Variants in TCP11 observed in about 807,000 individuals in gnomAD.
TCP11 encodes T-complex protein 11 homolog.
Under a neutral mutation model 45.0 loss-of-function variants are expected in TCP11, and 34 were observed. That is an observed-to-expected ratio of 0.76 (90% confidence interval 0.57 to 1.01). TCP11 has a LOEUF of 1.01. TCP11 is among the 50% of genes least tolerant of loss of function. The probability of loss-of-function intolerance (pLI) is 0.00; values close to 1 mark genes in which losing one functional copy is unlikely to be tolerated. For synonymous variants in TCP11, 227 were observed against 227.0 expected (o/e 1.00, Z 0.00); for missense variants, 523 against 598.1 (o/e 0.87, Z 1.31).
At position 35,118,290 on chromosome 6, in the gene TCP11, T is replaced by A; in HGVS notation, c.1491A>T (p.Glu497Asp). Residue 497 changes from glutamate to aspartate, a missense_variant, in exon 10 of 10, where the codon GAA (glutamate) becomes GAT (aspartate). Coordinates refer to ENST00000311875, the MANE Select transcript of TCP11 (RefSeq NM_001370687.1). ...KTLISPAQAL[E>D]TKVESV ...GCTATCAAACAGACTCCACTTTTGT[T>A]TCCAGTGCCTGGGCTGGGGAAATGA... 1 of 1,614,156 alleles carries A rather than the reference T, an allele frequency of 6.2e-7. No individual in the cohort carries two copies. The highest frequency in any genetic ancestry group is 8.5e-7 in the Non-Finnish European group (1 of 1,180,018).
chr6:35,133,421 G>A (rs13205738), intron 3 of TCP11, among the ~76,000 whole-genome samples: 16,567 of 151,932 alleles, frequency 0.11, 1,208 homozygotes, highest in Middle Eastern at 0.17. Context: ...GACCTCAAGC[G>A]ATCCTCCCAC....
At chr6:35,125,406 A>G (rs946427557) in intron 4 of TCP11, among the ~76,000 whole-genome samples, 3 of 152,170 alleles carry the variant, frequency 2.0e-5, no homozygotes, top group Non-Finnish European at 4.4e-5. Context: ...ATAGCCAACA[A>G]ACACACGAAC....
chr6:35,120,616 G>A lies in TCP11; in HGVS notation c.746C>T (p.Thr249Ile), dbSNP rs1217396081. Reference protein sequence around the residue: ...SLLNHTTKWLTQAAGDLTMSP... With the variant: ...SLLNHTTKWLIQAAGDLTMSP... ...CATGGTGAGGTCTCCTGCTGCTTGG[G>A]TCAGCCATTTGGTGGTGTGATTAAG... Residue 249 changes from threonine (T) to isoleucine (I), a missense_variant, in exon 7 of 10, where the codon ACC becomes ATC. Coordinates refer to ENST00000311875, the MANE Select transcript of TCP11 (RefSeq NM_001370687.1). The surrounding 1 kb of genome is among the most constrained non-coding windows in gnomAD (Gnocchi z 4.9). The A allele has an allele frequency of 1.9e-6, 3 of 1,613,780 alleles. No homozygotes were observed. The Admixed American group carries it at 5.0e-5, about 27-fold the overall frequency.
At position 35,120,151 on chromosome 6, in the gene TCP11, C is replaced by A; in HGVS notation, c.1115+8G>T. On this transcript the variant is annotated splice_region_variant and intron_variant, in intron 8 of 9. Transcript: ENST00000311875. This position sits in a 1 kb window ranked among gnomAD's most constrained non-coding sequence, Gnocchi z 4.9. ...CCTTCTACTCTAAAAAGTAACTATG[C>A]AGCTCACCTGGAGTGAAAGTCTTCC... 3.1e-6 allele frequency: 5 copies of A among 1,612,628 alleles called. No homozygotes were observed. Among genetic ancestry groups the A allele is most frequent in the Non-Finnish European group, 4.2e-6 (5 of 1,179,232 alleles).
chr6:35,129,879 A>G (rs1036993032), intron 3 of TCP11, among the ~76,000 whole-genome samples: 5 of 152,206 alleles, frequency 3.3e-5, no homozygotes, highest in Admixed American at 1.3e-4. Flanking sequence ...CGCGCAAGCA[A>G]ATCTCTTGCC....
At chr6:35,134,127 C>T (rs933327300) in intron 3 of TCP11, among the ~76,000 whole-genome samples, 1 of 152,088 alleles carries the variant, frequency 6.6e-6, no homozygotes, top group African/African-American at 2.4e-5. Context: ...AAGATAACCC[C>T]AAAGATCTCT....
intron 3 of TCP11, among the ~76,000 whole-genome samples, chr6:35,134,243 G>A (rs1038428537): frequency 1.1e-4 from 17 of 148,768 alleles, no homozygotes; most frequent in Admixed American, 2.7e-4. Context: ...GCATAGTATC[G>A]CATATAACCT....
chr6:35,121,984 G>A (rs1779310229), intron 5 of TCP11, 133 bp downstream of exon 5: 2 of 836,956 alleles, frequency 2.4e-6, no homozygotes, highest in South Asian at 1.7e-5. Context: ...GACCAGAGGG[G>A]AGAAAAAGGG....
At chr6:35,141,122 G>C in intron 1 of TCP11, 83 bp downstream of exon 1, 1 of 1,307,174 alleles carries the variant, frequency 7.7e-7, no homozygotes. Flanking sequence ...CGGGAAGCGT[G>C]GGAAGGCCCC....
intron 4 of TCP11, 42 bp from the exon 5 acceptor site, chr6:35,122,379 C>T (rs1706263335): frequency 1.3e-6 from 2 of 1,582,678 alleles, no homozygotes; most frequent in African/African-American, 1.3e-5. Flanking sequence ...CTGTTTAGAT[C>T]CCCAAACTTT....
At chr6:35,140,063 G>C (rs1781546721) in intron 2 of TCP11, 2 of 1,614,012 alleles carry the variant, frequency 1.2e-6, no homozygotes, top group South Asian at 1.1e-5. Context: ...ATGCCTTTTG[G>C]TGCCATTCAG....
intron 3 of TCP11, among the ~76,000 whole-genome samples, chr6:35,134,973 C>A (rs897766506): frequency 6.6e-6 from 1 of 152,026 alleles, no homozygotes; most frequent in Non-Finnish European, 1.5e-5. Flanking sequence ...CATGGAGAAA[C>A]CCCATCTCCA....
intron 2 of TCP11, 38 bp downstream of exon 2, chr6:35,140,709 C>T (rs759646882): frequency 1.6e-5 from 23 of 1,455,166 alleles, no homozygotes; most frequent in Non-Finnish European, 2.1e-5. Context: ...CACTAAGCAC[C>T]CCCTAGGGGG....
chr6:35,129,228 A>C, intron 3 of TCP11, 46 bp from the exon 4 acceptor site: 1 of 1,588,292 alleles, frequency 6.3e-7, no homozygotes, highest in Non-Finnish European at 8.5e-7. Flanking sequence ...ACCCAAAAAC[A>C]GTTACAGTGT....
chr6:35,140,211 G>C lies in TCP11; in HGVS notation c.124+536C>G, dbSNP rs915123495. ...CACACGGACAGCTCCTCAGTTTGAT[G>C]ACTAGTTACGTTCTCTGGAGATTAA... On this transcript the variant is annotated intron_variant, in intron 2 of 9. Coordinates refer to ENST00000311875, the MANE Select transcript of TCP11 (RefSeq NM_001370687.1). 2.6e-6 allele frequency: 4 copies of C among 1,526,050 alleles called. No individual in the cohort carries two copies. The Admixed American group carries it at 7.9e-5, about 30-fold the overall frequency. 94.5% of individuals were successfully genotyped at this position (1,526,050 alleles called of 1,614,324 possible). A position where few individuals can be genotyped will look rare whatever the true frequency, so the allele number is the denominator to read the frequency against.
chr6:35,123,204 T>G (rs1779474679), intron 4 of TCP11, among the ~76,000 whole-genome samples: 1 of 152,216 alleles, frequency 6.6e-6, no homozygotes, highest in Admixed American at 6.5e-5. Context: ...TTGTTCAAAT[T>G]ACTGCATGGT....
intron 3 of TCP11, among the ~76,000 whole-genome samples, chr6:35,132,822 C>G (rs1458538805): frequency 1.3e-5 from 2 of 152,204 alleles, no homozygotes; most frequent in Non-Finnish European, 2.9e-5. Context: ...CACCACCACC[C>G]TATCACAGAC....
At chr6:35,121,372 G>T (rs1470750008) in intron 5 of TCP11, among the ~76,000 whole-genome samples, 1 of 149,758 alleles carries the variant, frequency 6.7e-6, no homozygotes, top group Non-Finnish European at 1.5e-5. Flanking sequence ...GATTATAGGT[G>T]ATGCTATTTC....
At position 35,137,877 on chromosome 6, in the gene TCP11, C is replaced by A. The variant is rs1443553874; in HGVS notation, c.125-1659G>T. 1.3e-5 allele frequency: 6 copies of A among 448,520 alleles called. No individual in the cohort carries two copies. The Middle Eastern group carries it at 1.3e-3, about 97-fold the overall frequency. 27.8% of individuals were successfully genotyped at this position (448,520 alleles called of 1,614,324 possible). A position where few individuals can be genotyped will look rare whatever the true frequency, so the allele number is the denominator to read the frequency against. On this transcript the variant is annotated intron_variant, in intron 2 of 9. Transcript: ENST00000311875. Reference sequence around the variant, plus strand: ...GCTGGATGATGGATAAATGGGGGCTCATTGTATTAGTCATTCTATTTCATA... The same window carrying A: ...GCTGGATGATGGATAAATGGGGGCTAATTGTATTAGTCATTCTATTTCATA...
Sources: allele counts gnomAD v4.1 joint callset (sites outside exome capture counted in the v4.1 genomes callset), GRCh38; gene constraint gnomAD v4.1.1; non-coding constraint Gnocchi (gnomAD v3.1); transcripts MANE v1.5; gene names NCBI Gene and HGNC (gene_info 2026-07-23, HGNC 2026-07-21).